Variants in AXIN1 observed in about 807,000 individuals in gnomAD.
AXIN1 encodes the protein axin-1.
Under a neutral mutation model 76.4 loss-of-function variants are expected in AXIN1, and 30 were observed. The ratio of observed to expected loss-of-function variants is 0.39; its 90% confidence interval spans 0.29 to 0.53. The LOEUF is 0.53. Ranked by LOEUF, AXIN1 falls within the 20% of genes least tolerant of loss-of-function variation. The probability of loss-of-function intolerance (pLI) is 0.66; values close to 1 mark genes in which losing one functional copy is unlikely to be tolerated. For missense variants in AXIN1, 1,140 were observed against 1,198.8 expected, an observed-to-expected ratio of 0.95 and a Z score of 0.72; for synonymous variants, 545 against 501.4, an observed-to-expected ratio of 1.09 and a Z score of -1.16.
In AXIN1 at chr16:308,448, G is replaced by A. The variant is rs571475647; in HGVS notation, c.1116+1525C>T. ...TTTCTACACACGAAGACTCTGACCA[G>A]CACCCCAAAATCGGGGCACCCCTGT... On this transcript the variant is annotated intron_variant, in intron 4 of 10. Coordinates refer to ENST00000262320, the MANE Select transcript of AXIN1 (RefSeq NM_003502.4). 2.0e-5 allele frequency among the ~76,000 whole-genome samples: 3 copies of A among 152,302 alleles called. No homozygotes were observed. The East Asian group carries it at 5.8e-4, about 29-fold the overall frequency.
In AXIN1 at chr16:293,688, A is replaced by G. The variant is rs2141487105; in HGVS notation, c.1986T>C (p.His662=). ...CAAGGGACAAGGGTCTGGAGTTCTC[A>G]TGGGGCTGTGGCTTCCTCGTCCCCG... ...GSSGTRKPQP[H]ENSRPLSLEH... Residue 662 remains histidine, a synonymous_variant, in exon 8 of 11, where the codon CAT becomes CAC. Coordinates refer to ENST00000262320, the MANE Select transcript of AXIN1 (RefSeq NM_003502.4). The surrounding 1 kb of genome is among the most constrained non-coding windows in gnomAD (Gnocchi z 4.6). 1.2e-6 allele frequency: 2 copies of G among 1,613,716 alleles called. No homozygotes were observed. Among genetic ancestry groups the G allele is most frequent in the Non-Finnish European group, 1.7e-6 (2 of 1,180,002 alleles).
intron 2 of AXIN1, among the ~76,000 whole-genome samples, chr16:328,422 G>A (rs564932129): frequency 2.0e-4 from 31 of 152,156 alleles, no homozygotes; most frequent in Non-Finnish European, 4.0e-4. Flanking sequence ...ACAGCCAGGT[G>A]CAGTGGCTCA....
At chr16:301,772 G>A (rs568478462) in intron 5 of AXIN1, among the ~76,000 whole-genome samples, 3 of 152,208 alleles carry the variant, frequency 2.0e-5, no homozygotes, top group South Asian at 2.1e-4. Context: ...AAATTACAGC[G>A]GCCGGCGACC....
chr16:331,139 T>C (rs1354812256), intron 2 of AXIN1, among the ~76,000 whole-genome samples: 1 of 152,150 alleles, frequency 6.6e-6, no homozygotes, highest in Non-Finnish European at 1.5e-5. Flanking sequence ...CAGCTCTCAG[T>C]GCTGAAGCTA....
intron 2 of AXIN1, among the ~76,000 whole-genome samples, chr16:341,440 G>A (rs137924053): frequency 0.039 from 5,971 of 152,338 alleles, 407 homozygotes; most frequent in African/African-American, 0.13. Context: ...TGGGTCCCCC[G>A]GCAGTGCCGG....
chr16:336,929 C>G (rs1233504019), intron 2 of AXIN1, among the ~76,000 whole-genome samples: 1 of 151,336 alleles, frequency 6.6e-6, no homozygotes, highest in Admixed American at 6.6e-5. Flanking sequence ...GCTGGTGGAT[C>G]ACAACGTCAG....
chr16:333,231 C>A (rs1161662185), intron 2 of AXIN1, among the ~76,000 whole-genome samples: 1 of 151,970 alleles, frequency 6.6e-6, no homozygotes, highest in African/African-American at 2.4e-5. Context: ...ACTCAGGAGG[C>A]TGAGGCAGGA....
At chr16:341,513 G>T (rs944193496) in intron 2 of AXIN1, among the ~76,000 whole-genome samples, 2 of 152,242 alleles carry the variant, frequency 1.3e-5, no homozygotes, top group East Asian at 3.9e-4. Flanking sequence ...GGCAGGGCTC[G>T]GGAGCTGCAG....
chr16:349,352 T>TCAG (rs1243503741), intron 1 of AXIN1, among the ~76,000 whole-genome samples: 6 of 152,128 alleles, frequency 3.9e-5, no homozygotes, highest in Admixed American at 6.6e-5. Flanking sequence ...GTGAGCCACA[T>TCAG]CAGCATGGAG....
intron 2 of AXIN1, among the ~76,000 whole-genome samples, chr16:337,820 T>A (rs1361693089): frequency 6.6e-6 from 1 of 152,244 alleles, no homozygotes; most frequent in Non-Finnish European, 1.5e-5. Flanking sequence ...CTGGGCCCTA[T>A]GGGCACTCAG....
At chr16:305,599 A>G (rs1027589345) in intron 4 of AXIN1, among the ~76,000 whole-genome samples, 4 of 152,016 alleles carry the variant, frequency 2.6e-5, no homozygotes, top group East Asian at 3.9e-4. Flanking sequence ...GCTGGAGTGT[A>G]GTGGCGCGAT....
intron 9 of AXIN1, chr16:290,685 G>A (rs957812700): frequency 1.1e-4 from 27 of 243,780 alleles, no homozygotes; most frequent in African/African-American, 2.7e-4. Context: ...CCTTTCTCAC[G>A]GGTTCAGAGC....
intron 2 of AXIN1, among the ~76,000 whole-genome samples, chr16:334,009 T>C (rs1042500614): frequency 2.4e-5 from 3 of 122,582 alleles, no homozygotes; most frequent in African/African-American, 9.8e-5. Flanking sequence ...TGGCATCCAA[T>C]AACACAGCAC....
chr16:327,719 G>C (rs1235941800), intron 2 of AXIN1, among the ~76,000 whole-genome samples: 1 of 152,256 alleles, frequency 6.6e-6, no homozygotes, highest in Non-Finnish European at 1.5e-5. Context: ...ACTGACCACA[G>C]GCAGTCTGCC....
intron 2 of AXIN1, among the ~76,000 whole-genome samples, chr16:320,776 T>G (rs1478597498): frequency 1.5e-5 from 2 of 131,206 alleles, no homozygotes; most frequent in African/African-American, 3.1e-5. Context: ...GCCTCGCTCT[T>G]TCGCCCAGAC....
At chr16:347,823 C>T (rs1346065920) in intron 1 of AXIN1, among the ~76,000 whole-genome samples, 1 of 152,192 alleles carries the variant, frequency 6.6e-6, no homozygotes. Flanking sequence ...GGCGCTCGGA[C>T]ACCGTCACTG....
chr16:311,554 G>T (rs928674476), intron 3 of AXIN1, among the ~76,000 whole-genome samples: 1 of 151,282 alleles, frequency 6.6e-6, no homozygotes, highest in Admixed American at 6.6e-5. Flanking sequence ...GGCGGATCAC[G>T]AGGTCAGGAG....
rs973718176 is a variant in AXIN1, at chr16:287,769, G to C, written c.*353C>G. 3 of 438,200 alleles carry C rather than the reference G, an allele frequency of 6.8e-6. No individual in the cohort carries two copies. Among genetic ancestry groups the C allele is most frequent in the Non-Finnish European group, 8.5e-6 (2 of 234,242 alleles). 27.1% of individuals were successfully genotyped at this position (438,200 alleles called of 1,614,324 possible). ...GCCCCACCCAGACCTGGGTACGTGG[G>C]CAAATCCCAGAGGGAAAGTAGATCC... is the stretch of plus-strand genomic sequence containing the variant. On this transcript the variant is annotated 3_prime_UTR_variant, in exon 11 of 11. Coordinates refer to ENST00000262320, the MANE Select transcript of AXIN1 (RefSeq NM_003502.4).
At chr16:304,268 C>A (rs1390937530) in intron 5 of AXIN1, 36 bp downstream of exon 5, 2 of 1,601,834 alleles carry the variant, frequency 1.2e-6, no homozygotes, top group South Asian at 2.2e-5. Context: ...CAGCACGACA[C>A]CGACGCGGAG....
Sources: allele counts gnomAD v4.1 joint callset (sites outside exome capture counted in the v4.1 genomes callset), GRCh38; gene constraint gnomAD v4.1.1; non-coding constraint Gnocchi (gnomAD v3.1); transcripts MANE v1.5; gene names NCBI Gene and HGNC (gene_info 2026-07-23, HGNC 2026-07-21).